LRP1B: variants seen among roughly 807,000 people sequenced by gnomAD.
LRP1B encodes low-density lipoprotein receptor-related protein 1B.
LRP1B carries 217 observed loss-of-function variants against 556.6 expected under a neutral mutation model. The ratio of observed to expected loss-of-function variants is 0.39; its 90% confidence interval spans 0.35 to 0.44. The LOEUF (loss-of-function observed/expected upper bound fraction) is 0.44, where lower values mean the gene tolerates loss of function less well. LRP1B is among the 20% of genes least tolerant of loss of function. The pLI is 1.00. For missense variants in LRP1B, 5,053 were observed against 5,620.8 expected (o/e 0.90, Z 3.23); for synonymous variants, 2,047 against 1,865.8 (o/e 1.10, Z -2.50).
chr2:140,302,000 A>T (rs997689988), intron 83 of LRP1B, among the ~76,000 whole-genome samples: 1 of 151,952 alleles, frequency 6.6e-6, no homozygotes, highest in Non-Finnish European at 1.5e-5. Context: ...TTACTTCTCA[A>T]CCATTATCTT....
At chr2:140,651,725 G>A (rs1390771159) in intron 41 of LRP1B, among the ~76,000 whole-genome samples, 1 of 152,004 alleles carries the variant, frequency 6.6e-6, no homozygotes, top group African/African-American at 2.4e-5. Context: ...GTAGATGAGG[G>A]AGTCATGAAC....
intron 25 of LRP1B, among the ~76,000 whole-genome samples, chr2:140,874,282 A>AT (rs552951232): frequency 6.3e-4 from 95 of 151,592 alleles, no homozygotes; most frequent in Middle Eastern, 3.4e-3. Flanking sequence ...ATTGTAACAG[A>AT]TTTTTTTTTA....
At chr2:142,025,218 A>G (rs1703465133) in intron 1 of LRP1B, among the ~76,000 whole-genome samples, 1 of 152,138 alleles carries the variant, frequency 6.6e-6, no homozygotes, top group Admixed American at 6.6e-5. Flanking sequence ...GTAACTTTGA[A>G]TTCCACAAAA....
chr2:140,485,841 G>GCACACACACACA (rs879704162), intron 58 of LRP1B, among the ~76,000 whole-genome samples: 7 of 54,730 alleles, frequency 1.3e-4, no homozygotes, highest in African/African-American at 2.8e-4. Flanking sequence ...AAATTCTCAC[G>GCACACACACACA]CACATACACA....
At chr2:140,623,090 A>T (rs1430628509) in intron 41 of LRP1B, among the ~76,000 whole-genome samples, 2 of 152,178 alleles carry the variant, frequency 1.3e-5, no homozygotes, top group Non-Finnish European at 2.9e-5. Context: ...ATTGTATGCA[A>T]TGTCACTGAG....
intron 1 of LRP1B, among the ~76,000 whole-genome samples, chr2:141,890,393 GTATATA>G (rs1197991875): frequency 1.1e-5 from 1 of 87,028 alleles, no homozygotes; most frequent in African/African-American, 5.4e-5. Context: ...CATATATAGT[GTATATA>G]TATATATATA....
intron 2 of LRP1B, among the ~76,000 whole-genome samples, chr2:141,639,334 A>ATG (rs1486825270): frequency 3.5e-5 from 1 of 28,204 alleles, no homozygotes; most frequent in Admixed American, 5.1e-4. Context: ...ATATATATAT[A>ATG]TATATATATA....
In LRP1B at chr2:141,629,074, C is replaced by A. The variant is rs143421131; in HGVS notation, c.206-148541G>T. 3.3e-4 allele frequency among the ~76,000 whole-genome samples: 50 copies of A among 152,294 alleles called. 1 individual carries two copies. The South Asian group carries it at 8.9e-3, about 27-fold the overall frequency. On this transcript the variant is annotated intron_variant, in intron 2 of 90. Coordinates refer to ENST00000389484, the MANE Select transcript of LRP1B (RefSeq NM_018557.3). ...TCCAAAGATCACACTCCATATGAGACAAAGCCAGATCTCTAAGGGCTATTT... is the reference window on the plus strand; with the variant it reads ...TCCAAAGATCACACTCCATATGAGAAAAAGCCAGATCTCTAAGGGCTATTT...
At chr2:140,397,436 C>T (rs1272430736) in intron 66 of LRP1B, among the ~76,000 whole-genome samples, 1 of 152,072 alleles carries the variant, frequency 6.6e-6, no homozygotes, top group Non-Finnish European at 1.5e-5. Context: ...ACTTGTATTC[C>T]TTGGAAAGTG....
Position 140,536,619 on chromosome 2 carries a change from T to C in LRP1B, c.7604A>G (p.His2535Arg), listed in dbSNP as rs2105003422. The C allele has an allele frequency of 6.2e-7, 1 of 1,611,434 alleles. No individual in the cohort carries two copies. Among genetic ancestry groups the C allele is most frequent in the Non-Finnish European group, 8.5e-7 (1 of 1,178,948 alleles). The change falls in exon 46 of 91, where the codon CAC becomes CGC. Residue 2535 changes from histidine to arginine, a missense_variant. His to Arg is a conservative substitution (Grantham distance 29). Coordinates refer to ENST00000389484, the MANE Select transcript of LRP1B (RefSeq NM_018557.3). ...DYQLTCDGIP[H>R]CKDKSDEKLL... The stretch of plus-strand genomic sequence containing the variant: ...TTTTTCATCTGATTTATCTTTACAG[T>C]GAGGAATGCCATCACAGGTGAGCTG...
rs2105153828 is a variant in LRP1B, at chr2:140,867,717, C to T, written c.4452G>A (p.Trp1484Ter). Residue 1484 changes from tryptophan to a stop codon, truncating the protein, a stop_gained, in exon 27 of 91, where the codon TGG becomes TGA. Transcript: ENST00000389484. LOFTEE classifies it high-confidence loss of function. ...AVSLYGSEVY[W>*]TDWRTNTLSK... is the part of the protein sequence containing the mutation. ...ACAATGTGTTGGTCCTCCAGTCTGT[C>T]CAGTAGACTTCACTCCCATATAGAG... 6.2e-7 allele frequency: 1 copy of T among 1,613,118 alleles called. No individual in the cohort carries two copies. Among genetic ancestry groups the T allele is most frequent in the Non-Finnish European group, 8.5e-7 (1 of 1,179,494 alleles).
At chr2:141,635,319 A>AAC (rs1689075847) in intron 2 of LRP1B, among the ~76,000 whole-genome samples, 1 of 152,150 alleles carries the variant, frequency 6.6e-6, no homozygotes, top group Non-Finnish European at 1.5e-5. Context: ...CTAGAGATGG[A>AAC]ACACAACGGG....
chr2:140,784,879 G>T (rs528739181), intron 32 of LRP1B, among the ~76,000 whole-genome samples: 4 of 152,042 alleles, frequency 2.6e-5, no homozygotes, highest in African/African-American at 9.6e-5. Context: ...TAAGTTATAC[G>T]ATCTTAAGAG....
chr2:141,806,602 A>G (rs555299823), intron 2 of LRP1B, among the ~76,000 whole-genome samples: 1 of 152,130 alleles, frequency 6.6e-6, no homozygotes, highest in Admixed American at 6.6e-5. Flanking sequence ...GTGTATTGGT[A>G]TCACTAAATT....
chr2:141,737,960 T>C (rs560440422), intron 2 of LRP1B, among the ~76,000 whole-genome samples: 1 of 152,258 alleles, frequency 6.6e-6, no homozygotes, highest in African/African-American at 2.4e-5. Context: ...AGCCACGTCT[T>C]TAATCTAGTT....
chr2:140,992,819 T>C (rs1697131500), intron 16 of LRP1B, among the ~76,000 whole-genome samples: 1 of 152,030 alleles, frequency 6.6e-6, no homozygotes. Flanking sequence ...CAATTTAGTA[T>C]TTAAATTTTT....
intron 3 of LRP1B, among the ~76,000 whole-genome samples, chr2:141,471,087 A>AT (rs1682445131): frequency 6.6e-6 from 1 of 152,170 alleles, no homozygotes; most frequent in African/African-American, 2.4e-5. Flanking sequence ...GAGTTGATCA[A>AT]TGTGAGGTAA....
intron 41 of LRP1B, among the ~76,000 whole-genome samples, chr2:140,697,436 G>T (rs2105412840): frequency 6.6e-6 from 1 of 151,492 alleles, no homozygotes; most frequent in Admixed American, 6.6e-5. Context: ...ATATGTATTA[G>T]CATTACAACA....
intron 1 of LRP1B, among the ~76,000 whole-genome samples, chr2:141,976,473 A>G (rs1429563453): frequency 6.6e-6 from 1 of 152,144 alleles, no homozygotes; most frequent in Non-Finnish European, 1.5e-5. Flanking sequence ...CACCTGATAG[A>G]TAAGTAATCT....
Sources: gnomAD v4.1 joint callset for allele counts (sites outside exome capture counted in the v4.1 genomes callset) on GRCh38, gnomAD v4.1.1 for gene constraint, MANE v1.5 for transcripts, NCBI Gene and HGNC (gene_info 2026-07-23, HGNC 2026-07-21) for gene names.